Variants in COL5A2 observed in about 807,000 individuals in gnomAD.
COL5A2 encodes the protein collagen alpha-2(V) chain.
In COL5A2, 23 loss-of-function variants were observed where a neutral mutation model predicts 208.2. That is an observed-to-expected ratio of 0.11 (90% CI 0.08 to 0.16). The LOEUF is 0.16. Ranked by LOEUF, COL5A2 falls within the 10% of genes least tolerant of loss-of-function variation. The pLI is 1.00. For missense variants in COL5A2, 1,590 were observed against 1,956.4 expected (o/e 0.81, Z 3.53); for synonymous variants, 625 against 628.5 (o/e 0.99, Z 0.08).
the COL5A2 span, among the ~76,000 whole-genome samples, chr2:189,303,143 T>C: frequency 9.2e-5 from 14 of 152,172 alleles, no homozygotes; most frequent in Non-Finnish European, 7.3e-5. Flanking sequence ...AAGTGCTTAG[T>C]TGAGATGGAA....
At chr2:189,236,242 C>T in the COL5A2 span, among the ~76,000 whole-genome samples, 5 of 151,652 alleles carry the variant, frequency 3.3e-5, no homozygotes, top group Non-Finnish European at 7.4e-5. Context: ...GAGCATGACT[C>T]TAGTTGTGCT....
At position 189,066,404 on chromosome 2, in the gene COL5A2, G is replaced by T. The variant is rs1439154504; in HGVS notation, c.1549C>A (p.Pro517Thr). The part of the protein sequence containing the change: ...GDPGTVGPPG[P>T]VGERGAPGNR... The stretch of plus-strand genomic sequence containing the variant: ...TTTAAATTTACCCTTTCTCCCACTG[G>T]CCCTGGAGGACCAACTGTTCCTGGG... The change falls in exon 23 of 54, where the codon CCA becomes ACA. Residue 517 changes from proline (P) to threonine (T), a missense_variant. By Grantham distance (38) the Pro-to-Thr change is conservative (BLOSUM62 -1). Coordinates refer to ENST00000374866, the MANE Select transcript of COL5A2 (RefSeq NM_000393.5). 1.9e-6 allele frequency: 3 copies of T among 1,613,728 alleles called. No homozygotes were observed. The highest frequency in any genetic ancestry group is 3.3e-5 in the Admixed American group (2 of 59,988).
intron 14 of COL5A2, 82 bp from the exon 15 acceptor site, chr2:189,079,189 G>T: frequency 9.1e-7 from 1 of 1,104,476 alleles, no homozygotes; most frequent in Non-Finnish European, 1.4e-6. Flanking sequence ...AATTTTAAAA[G>T]CATATTTTCA....
chr2:189,300,485 G>A, the COL5A2 span, among the ~76,000 whole-genome samples: 1 of 152,206 alleles, frequency 6.6e-6, no homozygotes, highest in African/African-American at 2.4e-5. Context: ...GAAGCTTTGT[G>A]TTTAGGACAG....
intron 7 of COL5A2, 47 bp from the exon 8 acceptor site, chr2:189,088,819 A>C (rs369437416): frequency 7.6e-5 from 106 of 1,402,252 alleles, no homozygotes; most frequent in Non-Finnish European, 9.9e-5. Flanking sequence ...AAAGACATAC[A>C]TCAACGTCCT....
rs764784422 is a variant in COL5A2, at chr2:189,058,550, A to G, written c.2131-23T>C. 6 of 1,565,658 alleles carry G rather than the reference A, an allele frequency of 3.8e-6. No homozygotes were observed. The Admixed American group carries it at 1.0e-4, about 26-fold the overall frequency. The stretch of plus-strand genomic sequence containing the variant: ...TCCCTAGCACAAAATTGGGATGTCA[A>G]ATAATCTCAATACTTGATCTAAAAA... On this transcript the variant is annotated intron_variant, in intron 32 of 53. Coordinates refer to ENST00000374866, the MANE Select transcript of COL5A2 (RefSeq NM_000393.5).
At chr2:189,383,346 C>A in the COL5A2 span, among the ~76,000 whole-genome samples, 114 of 152,154 alleles carry the variant, frequency 7.5e-4, 1 homozygote, top group African/African-American at 2.7e-3. Flanking sequence ...ACTGGTGTTT[C>A]CTCCTCATTT....
the COL5A2 span, among the ~76,000 whole-genome samples, chr2:189,414,677 A>C: frequency 2.0e-5 from 3 of 147,592 alleles, no homozygotes; most frequent in African/African-American, 7.5e-5. Flanking sequence ...TGAGCCCGGG[A>C]GACAGAGGTT....
Position 189,166,135 on chromosome 2 carries a change from CATTTCAATG to C in COL5A2, c.97+13364_97+13372del, listed in dbSNP as rs549672516. Among the ~76,000 whole-genome samples the C allele has an allele frequency of 5.2e-4, 79 of 152,222 alleles. No individual in the cohort carries two copies. In the Middle Eastern group the frequency reaches 0.01, roughly 20 times the overall value. The stretch of plus-strand genomic sequence containing the variant: ...TTAGCATGGAGCCTTACATTTTAGG[CATTTCAATG>C]ATGCTATGTGAGCCACCTGTCCATT... On this transcript the variant is annotated intron_variant, in intron 1 of 53. Transcript: ENST00000374866.
chr2:189,262,720 T>C, the COL5A2 span, among the ~76,000 whole-genome samples: 1 of 152,110 alleles, frequency 6.6e-6, no homozygotes, highest in Admixed American at 6.6e-5. Flanking sequence ...CCCTATATTG[T>C]TCTAATAAGA....
chr2:189,176,174 G>C (rs1688675219), intron 1 of COL5A2, among the ~76,000 whole-genome samples: 1 of 152,156 alleles, frequency 6.6e-6, no homozygotes, highest in Admixed American at 6.5e-5. Flanking sequence ...TCATCTCTCA[G>C]TAATCAAAAG....
chr2:189,217,159 T>C (rs1191588038), intron 1 of COL5A2, among the ~76,000 whole-genome samples: 1 of 152,170 alleles, frequency 6.6e-6, no homozygotes, highest in African/African-American at 2.4e-5. Context: ...GTTTTTGCAT[T>C]TATTCACTTT....
chr2:189,215,669 A>T (rs1225927158), intron 1 of COL5A2, among the ~76,000 whole-genome samples: 1 of 152,122 alleles, frequency 6.6e-6, no homozygotes, highest in Non-Finnish European at 1.5e-5. Flanking sequence ...ATATATATAG[A>T]CATATACAGT....
intron 16 of COL5A2, among the ~76,000 whole-genome samples, chr2:189,076,835 C>T (rs1243934309): frequency 2.0e-5 from 3 of 152,092 alleles, no homozygotes; most frequent in Non-Finnish European, 4.4e-5. Flanking sequence ...AATTCCAGCA[C>T]TTTGGGAGGC....
chr2:189,229,137 G>C (rs914221275), upstream of COL5A2, among the ~76,000 whole-genome samples: 9 of 151,522 alleles, frequency 5.9e-5, no homozygotes, highest in African/African-American at 2.2e-4. Context: ...CCACGAACTA[G>C]GAACAAAAGG....
At chr2:189,308,551 A>G in the COL5A2 span, among the ~76,000 whole-genome samples, 1 of 152,106 alleles carries the variant, frequency 6.6e-6, no homozygotes, top group South Asian at 2.1e-4. Flanking sequence ...GATCCAGGAG[A>G]GAATTAACTT....
chr2:189,279,235 G>C, the COL5A2 span, among the ~76,000 whole-genome samples: 1 of 151,694 alleles, frequency 6.6e-6, no homozygotes, highest in Non-Finnish European at 1.5e-5. Flanking sequence ...AAAAGGGAAG[G>C]AATATATACT....
At chr2:189,097,121 T>C (rs1053768631) in intron 6 of COL5A2, among the ~76,000 whole-genome samples, 156 bp downstream of exon 6, 8 of 152,232 alleles carry the variant, frequency 5.3e-5, no homozygotes, top group Non-Finnish European at 1.0e-4. Context: ...TCATTTGTGT[T>C]ATCTAATAAG....
At chr2:189,263,140 T>C in the COL5A2 span, among the ~76,000 whole-genome samples, 1 of 152,090 alleles carries the variant, frequency 6.6e-6, no homozygotes, top group African/African-American at 2.4e-5. Flanking sequence ...GCATCTCCAA[T>C]TTCCAGCCAC....
Sources: allele counts gnomAD v4.1 joint callset (sites outside exome capture counted in the v4.1 genomes callset), GRCh38; gene constraint gnomAD v4.1.1; transcripts MANE v1.5; gene names NCBI Gene and HGNC (gene_info 2026-07-23, HGNC 2026-07-21).